Variants in BTF3L4 observed in about 807,000 individuals in gnomAD.
BTF3L4 encodes transcription factor BTF3 homolog 4.
A neutral mutation model predicts 16.8 loss-of-function variants in BTF3L4; 6 were observed. The ratio of observed to expected loss-of-function variants is 0.36; its 90% confidence interval spans 0.20 to 0.71. The LOEUF (loss-of-function observed/expected upper bound fraction) is 0.71, where lower values mean the gene tolerates loss of function less well. Ranked by LOEUF, BTF3L4 falls within the 30% of genes least tolerant of loss-of-function variation. The pLI, the probability that BTF3L4 is intolerant of heterozygous loss-of-function variation, is 0.58. For synonymous variants in BTF3L4, 39 were observed against 59.8 expected (o/e 0.65, Z 1.60); for missense variants, 92 against 186.9 (o/e 0.49, Z 2.96).
At chr1:52,085,057 G>A (rs1407963923) in intron 4 of BTF3L4, among the ~76,000 whole-genome samples, 18 of 97,016 alleles carry the variant, frequency 1.9e-4, no homozygotes, top group Admixed American at 1.4e-3. Context: ...GTCTTGCTCT[G>A]TTGCCCAGGC....
At chr1:52,056,446 C>T (rs1426723408) in intron 1 of BTF3L4, 67 bp downstream of exon 1, 2 of 152,828 alleles carry the variant, frequency 1.3e-5, no homozygotes, top group Admixed American at 1.3e-4. Flanking sequence ...CCCCCGCCCT[C>T]CCCTTCCGAC....
rs140330597 is a variant in BTF3L4, at chr1:52,074,161, G to GTT, written c.169-9171_169-9170dup. Among the ~76,000 whole-genome samples, 14 of 150,336 alleles carry GTT rather than the reference G, an allele frequency of 9.3e-5. 1 individual carries two copies. Among genetic ancestry groups the GTT allele is most frequent in the South Asian group, 6.3e-4 (3 of 4,726 alleles). ...AGCCTGGGTGACAGAGCAAGACCTT[G>GTT]TTTTTTTTTGTTTGTTTTGTTTGGT... On this transcript the variant is annotated intron_variant, in intron 3 of 5. Transcript: ENST00000313334.
At chr1:52,061,738 T>A (rs1686516932) in intron 2 of BTF3L4, among the ~76,000 whole-genome samples, 1 of 148,526 alleles carries the variant, frequency 6.7e-6, no homozygotes, top group African/African-American at 2.5e-5. Context: ...CCTCCTGGAT[T>A]CAGGCAATTC....
intron 3 of BTF3L4, among the ~76,000 whole-genome samples, chr1:52,066,571 C>T (rs1451648527): frequency 1.3e-5 from 2 of 148,184 alleles, no homozygotes; most frequent in East Asian, 2.2e-4. Flanking sequence ...CGGCCGGGTG[C>T]GGTGGCTCAC....
In BTF3L4 at chr1:52,088,558, T is replaced by TGC. The variant is rs1643992090; in HGVS notation, c.*1800_*1801insGC. ...ACAGTCTACACAGTCCAGAATTCTT[T>TGC]CTCTAATTGTCCCAAAGGGGGACAT... On this transcript the variant is annotated 3_prime_UTR_variant, in exon 6 of 6. Transcript: ENST00000313334. The TGC allele has an allele frequency of 2.6e-5, 4 of 152,588 alleles. No homozygotes were observed. Among genetic ancestry groups the TGC allele is most frequent in the Non-Finnish European group, 5.9e-5 (4 of 68,042 alleles). The allele number at this position is 152,588 out of a possible 1,614,324, so 9.5% of individuals were successfully genotyped here. A position where few individuals can be genotyped will look rare whatever the true frequency, so the allele number is the denominator to read the frequency against.
chr1:52,064,140 T>C (rs1393336131), intron 2 of BTF3L4, among the ~76,000 whole-genome samples: 2 of 152,204 alleles, frequency 1.3e-5, no homozygotes, highest in Non-Finnish European at 2.9e-5. Flanking sequence ...TTTTCTCTCT[T>C]CTAGAAAGGA....
chr1:52,056,911 C>T (rs1446765725), intron 1 of BTF3L4, among the ~76,000 whole-genome samples: 6 of 152,212 alleles, frequency 3.9e-5, no homozygotes, highest in Non-Finnish European at 7.3e-5. Flanking sequence ...TGCTGACCGA[C>T]AGGCTCAGTG....
At chr1:52,056,785 C>A (rs1267662909) in intron 1 of BTF3L4, among the ~76,000 whole-genome samples, 2 of 152,236 alleles carry the variant, frequency 1.3e-5, no homozygotes, top group Non-Finnish European at 2.9e-5. Context: ...GTTACCACTT[C>A]CCGCCCTTGA....
In BTF3L4 at chr1:52,067,131, G is replaced by A. The variant is rs528004751; in HGVS notation, c.168+2193G>A. Among the ~76,000 whole-genome samples the A allele has an allele frequency of 3.5e-3, 536 of 152,292 alleles. 2 individuals carry two copies. The highest frequency in any genetic ancestry group is 0.012 in the African/African-American group (510 of 41,556). On this transcript the variant is annotated intron_variant, in intron 3 of 5. Coordinates refer to ENST00000313334, the MANE Select transcript of BTF3L4 (RefSeq NM_152265.5). Reference sequence around the variant, plus strand: ...CGTGCCTGTAATCCCAGCTATTTGGGAGGCTGAGGCAGGAGAATGGCTTGA... The same window carrying A: ...CGTGCCTGTAATCCCAGCTATTTGGAAGGCTGAGGCAGGAGAATGGCTTGA...
intron 3 of BTF3L4, among the ~76,000 whole-genome samples, chr1:52,066,598 C>T (rs1686655681): frequency 6.7e-6 from 1 of 150,018 alleles, no homozygotes; most frequent in East Asian, 2.1e-4. Context: ...AATCCCAGCA[C>T]TTTGGGAGGC....
At chr1:52,058,272 T>C (rs1686425036) in intron 1 of BTF3L4, among the ~76,000 whole-genome samples, 1 of 152,234 alleles carries the variant, frequency 6.6e-6, no homozygotes, top group South Asian at 2.1e-4. Context: ...TTCAGCATTG[T>C]GATACAGCGC....
chr1:52,073,871 G>C (rs1213893729), intron 3 of BTF3L4, among the ~76,000 whole-genome samples: 1 of 151,872 alleles, frequency 6.6e-6, no homozygotes, highest in African/African-American at 2.4e-5. Flanking sequence ...GGTGGTGGGC[G>C]TCTGTAATCC....
chr1:52,060,975 A>G (rs1052876033), intron 2 of BTF3L4, among the ~76,000 whole-genome samples: 2 of 152,234 alleles, frequency 1.3e-5, no homozygotes, highest in Admixed American at 6.5e-5. Context: ...TGGTTGGTAC[A>G]TTCGATTTAG....
chr1:52,084,609 TG>T (rs1410552473), intron 4 of BTF3L4, among the ~76,000 whole-genome samples: 4 of 151,926 alleles, frequency 2.6e-5, no homozygotes, highest in Non-Finnish European at 5.9e-5. Context: ...CTGGGCAACA[TG>T]GTGAGACCCT....
chr1:52,083,974 C>G (rs1442166405), intron 4 of BTF3L4, among the ~76,000 whole-genome samples: 3 of 148,726 alleles, frequency 2.0e-5, no homozygotes, highest in Non-Finnish European at 4.4e-5. Context: ...GAGCTGAGAT[C>G]ATGCCATTGC....
intron 2 of BTF3L4, among the ~76,000 whole-genome samples, chr1:52,061,487 C>CAAA (rs1169709967): frequency 6.2e-5 from 3 of 48,174 alleles, no homozygotes; most frequent in African/African-American, 1.4e-4. Flanking sequence ...GACTCCGTCT[C>CAAA]AAAAAAAAAA....
intron 4 of BTF3L4, among the ~76,000 whole-genome samples, chr1:52,083,958 T>C (rs1348988174): frequency 1.3e-5 from 2 of 150,218 alleles, no homozygotes; most frequent in Non-Finnish European, 3.0e-5. Flanking sequence ...AGGCAGAGGT[T>C]GCAGTGAGCT....
chr1:52,076,295 G>C (rs193217269), intron 3 of BTF3L4, among the ~76,000 whole-genome samples: 5 of 148,260 alleles, frequency 3.4e-5, no homozygotes, highest in East Asian at 2.1e-4. Flanking sequence ...AAAGAAAAAG[G>C]CTGGGCGCAG....
At chr1:52,061,078 G>C (rs929400871) in intron 2 of BTF3L4, among the ~76,000 whole-genome samples, 2 of 152,164 alleles carry the variant, frequency 1.3e-5, no homozygotes, top group African/African-American at 4.8e-5. Context: ...CAATTATAAC[G>C]CAGAATAGTG....
Sources: gnomAD v4.1 joint callset for allele counts (sites outside exome capture counted in the v4.1 genomes callset) on GRCh38, gnomAD v4.1.1 for gene constraint, MANE v1.5 for transcripts, NCBI Gene and HGNC (gene_info 2026-07-23, HGNC 2026-07-21) for gene names.